Variants in CSN2 observed in about 807,000 individuals in gnomAD.
The protein encoded by CSN2 is beta-casein.
CSN2 carries 27 observed loss-of-function variants against 27.3 expected under a neutral mutation model. The ratio of observed to expected loss-of-function variants is 0.99; its 90% CI spans 0.73 to 1.36. CSN2 has a LOEUF of 1.36. CSN2 is among the 40% of genes most tolerant of loss of function. The probability of loss-of-function intolerance (pLI) is 0.00; values close to 1 mark genes in which losing one functional copy is unlikely to be tolerated. For synonymous variants in CSN2, 131 were observed against 94.8 expected (o/e 1.38, Z -2.22); for missense variants, 333 against 264.5 (o/e 1.26, Z -1.80).
At chr4:69,965,361 T>TA (rs34452791) in intron 1 of CSN2, among the ~76,000 whole-genome samples, 115,723 of 137,418 alleles carry the variant, frequency 0.84, 49,089 homozygotes, top group Non-Finnish European at 0.89. Context: ...GAAGATTAAT[T>TA]AAAAAAATGA....
intron 2 of CSN2, among the ~76,000 whole-genome samples, chr4:69,960,420 A>G (rs1293746867): frequency 6.6e-6 from 1 of 151,026 alleles, no homozygotes; most frequent in African/African-American, 2.4e-5. Flanking sequence ...TTTATTAAAG[A>G]CAGAGTTTTT....
chr4:69,956,729 C>T (rs1268854372), intron 6 of CSN2, among the ~76,000 whole-genome samples: 4 of 151,954 alleles, frequency 2.6e-5, no homozygotes, highest in South Asian at 2.1e-4. Context: ...AATTTAATTC[C>T]GGCTTTTGTA....
At chr4:69,964,277 A>G (rs1407146938) in intron 1 of CSN2, among the ~76,000 whole-genome samples, 1 of 152,094 alleles carries the variant, frequency 6.6e-6, no homozygotes, top group African/African-American at 2.4e-5. Context: ...GCTTGGGACT[A>G]CCTCTTCTTG....
At chr4:69,963,126 A>C (rs934539557) in intron 1 of CSN2, among the ~76,000 whole-genome samples, 1 of 152,018 alleles carries the variant, frequency 6.6e-6, no homozygotes, top group African/African-American at 2.4e-5. Context: ...GAACACTTTT[A>C]CACTGTTGGT....
In CSN2 at chr4:69,959,071, T is replaced by C. The variant is rs199897580; in HGVS notation, c.79-2A>G. The stretch of plus-strand genomic sequence containing the variant: ...TACCTTGTATTCTGTAATAGATTCC[T>C]ACAGAAAAATATAAAATAAAATTAG... On this transcript the variant is annotated splice_acceptor_variant, in intron 3 of 7. Coordinates refer to ENST00000353151, the MANE Select transcript of CSN2 (RefSeq NM_001891.4). LOFTEE classifies it high-confidence loss of function. 1.6e-5 allele frequency: 21 copies of C among 1,348,472 alleles called. No individual in the cohort carries two copies. The highest frequency in any genetic ancestry group is 2.0e-5 in the Non-Finnish European group (20 of 976,890). The allele number at this position is 1,348,472 out of a possible 1,614,324, so 83.5% of individuals were successfully genotyped here.
At chr4:69,963,525 G>A (rs898459804) in intron 1 of CSN2, among the ~76,000 whole-genome samples, 2 of 151,992 alleles carry the variant, frequency 1.3e-5, no homozygotes, top group Non-Finnish European at 2.9e-5. Context: ...CTCATAGGTG[G>A]GAATTGAACA....
At chr4:69,963,553 C>G (rs1218634045) in intron 1 of CSN2, among the ~76,000 whole-genome samples, 1 of 150,702 alleles carries the variant, frequency 6.6e-6, no homozygotes, top group Non-Finnish European at 1.5e-5. Flanking sequence ...CACACGGACA[C>G]AGGAAGGGGA....
rs943018219 is a variant in CSN2, at chr4:69,957,457, G to A, written c.492C>T (p.Pro164=). Residue 164 remains proline (P), a synonymous_variant, in exon 6 of 8, where the codon CCC becomes CCT. Coordinates refer to ENST00000353151, the MANE Select transcript of CSN2 (RefSeq NM_001891.4). ...PQPIPQTLAL[P]PQPLWSVPQP... is the part of the protein sequence containing the mutation. ...GAGGAACAGACCACAGGGGCTGAGG[G>A]GGAAGTGCAAGAGTCTGAGGAATAG... 6.2e-7 allele frequency: 1 copy of A among 1,613,766 alleles called. No homozygotes were observed. Among genetic ancestry groups the A allele is most frequent in the East Asian group, 2.2e-5 (1 of 44,844 alleles).
In CSN2 at chr4:69,957,261, A is replaced by T; in HGVS notation, c.675+13T>A. ...CTTGAATGAAACAGCAAAGCCAGTA[A>T]ATTTGGACTTACACTAATGGGGTTA... On this transcript the variant is annotated intron_variant, in intron 6 of 7. Coordinates refer to ENST00000353151, the MANE Select transcript of CSN2 (RefSeq NM_001891.4). 1.3e-6 allele frequency: 2 copies of T among 1,515,344 alleles called. No homozygotes were observed. Among genetic ancestry groups the T allele is most frequent in the Non-Finnish European group, 1.8e-6 (2 of 1,131,600 alleles). 93.9% of individuals were successfully genotyped at this position (1,515,344 alleles called of 1,614,324 possible). A position where few individuals can be genotyped will look rare whatever the true frequency, so the allele number is the denominator to read the frequency against.
At chr4:69,962,884 T>C (rs1438123373) in intron 1 of CSN2, among the ~76,000 whole-genome samples, 1 of 151,736 alleles carries the variant, frequency 6.6e-6, no homozygotes, top group Non-Finnish European at 1.5e-5. Context: ...CCAACAAATT[T>C]ACAAGAAAAA....
At chr4:69,963,493 A>C (rs1723677062) in intron 1 of CSN2, among the ~76,000 whole-genome samples, 1 of 152,126 alleles carries the variant, frequency 6.6e-6, no homozygotes, top group South Asian at 2.1e-4. Flanking sequence ...AGGACAAAAA[A>C]ACCAAACACC....
intron 1 of CSN2, 85 bp from the exon 2 acceptor site, chr4:69,961,092 C>CA (rs879303166): frequency 0.011 from 7,049 of 638,942 alleles, 2 homozygotes; most frequent in South Asian, 0.018. Context: ...TTTTATAAAA[C>CA]AAAAAAAAAA....
intron 3 of CSN2, among the ~76,000 whole-genome samples, chr4:69,959,558 G>T (rs1723505662): frequency 6.6e-6 from 1 of 151,962 alleles, no homozygotes; most frequent in African/African-American, 2.4e-5. Context: ...ATATCTACCT[G>T]ACTCTCTCAG....
intron 3 of CSN2, among the ~76,000 whole-genome samples, chr4:69,959,596 C>T (rs1440429072): frequency 6.6e-6 from 1 of 151,976 alleles, no homozygotes; most frequent in Non-Finnish European, 1.5e-5. Flanking sequence ...CTAAATCTCG[C>T]TTATTTACTA....
rs745474012 is a variant in CSN2 at position 69,959,066 on chromosome 4, A to C, written c.82T>G (p.Ser28Ala). The change falls in exon 4 of 8, where the codon TCT (serine) becomes GCT (alanine). Residue 28 changes from serine (S) to alanine (A), a missense_variant. Physicochemically the swap from Ser to Ala is moderately conservative, Grantham distance 99 (BLOSUM62 1). Transcript: ENST00000353151. ...TIESLSSSEE[S>A]ITEYKQKVEK... The stretch of plus-strand genomic sequence containing the variant: ...AAATTTACCTTGTATTCTGTAATAG[A>C]TTCCTACAGAAAAATATAAAATAAA... 3.7e-6 allele frequency: 5 copies of C among 1,354,842 alleles called. No individual in the cohort carries two copies. The highest frequency in any genetic ancestry group is 5.1e-6 in the Non-Finnish European group (5 of 979,572). The allele number at this position is 1,354,842 out of a possible 1,614,324, so 83.9% of individuals were successfully genotyped here. A position where few individuals can be genotyped will look rare whatever the true frequency, so the allele number is the denominator to read the frequency against.
At chr4:69,962,215 C>A (rs1183618857) in intron 1 of CSN2, among the ~76,000 whole-genome samples, 1 of 152,008 alleles carries the variant, frequency 6.6e-6, no homozygotes, top group African/African-American at 2.4e-5. Context: ...ACTTTCTTCA[C>A]AGAATTGAAA....
chr4:69,961,711 T>G (rs994282710), intron 1 of CSN2, among the ~76,000 whole-genome samples: 1 of 152,112 alleles, frequency 6.6e-6, no homozygotes, highest in Non-Finnish European at 1.5e-5. Context: ...CTATTCAACA[T>G]AGTGTTGGAA....
intron 1 of CSN2, among the ~76,000 whole-genome samples, chr4:69,962,925 G>A (rs1345262507): frequency 1.3e-5 from 2 of 152,138 alleles, no homozygotes; most frequent in Non-Finnish European, 2.9e-5. Flanking sequence ...AGTGGGCAAA[G>A]GATATGAACA....
chr4:69,965,092 T>C (rs1723751802), intron 1 of CSN2, among the ~76,000 whole-genome samples: 1 of 151,404 alleles, frequency 6.6e-6, no homozygotes, highest in Non-Finnish European at 1.5e-5. Context: ...TTTAATATTG[T>C]TTTGAAATAT....
Sources: allele counts gnomAD v4.1 joint callset (sites outside exome capture counted in the v4.1 genomes callset), GRCh38; gene constraint gnomAD v4.1.1; transcripts MANE v1.5; gene names NCBI Gene and HGNC (gene_info 2026-07-23, HGNC 2026-07-21).